LRMDA: variants seen among roughly 807,000 people sequenced by gnomAD.
LRMDA encodes the protein leucine rich melanocyte differentiation associated.
In LRMDA, 18 loss-of-function variants were observed where a neutral mutation model predicts 29.8. The observed-to-expected ratio is 0.60, with a 90% confidence interval of 0.42 to 0.90. LRMDA has a LOEUF of 0.90. LRMDA is among the 40% of genes least tolerant of loss of function. The pLI is 0.00. For missense variants in LRMDA, 273 were observed against 273.9 expected (o/e 1.00, Z 0.02); for synonymous variants, 125 against 109.4 (o/e 1.14, Z -0.89).
chr10:76,010,490 T>C (rs1847759148), intron 2 of LRMDA, among the ~76,000 whole-genome samples: 1 of 152,004 alleles, frequency 6.6e-6, no homozygotes, highest in Non-Finnish European at 1.5e-5. Context: ...TTTTTTGTAT[T>C]TTTAGTAGAG....
intron 6 of LRMDA, among the ~76,000 whole-genome samples, chr10:76,373,886 G>A (rs1841485424): frequency 6.6e-6 from 1 of 152,146 alleles, no homozygotes; most frequent in Non-Finnish European, 1.5e-5. Flanking sequence ...CCTGGCTTTA[G>A]TACTCAGAGT....
intron 2 of LRMDA, among the ~76,000 whole-genome samples, chr10:75,936,541 T>C (rs1485392276): frequency 2.6e-5 from 4 of 152,150 alleles, no homozygotes; most frequent in Non-Finnish European, 5.9e-5. Context: ...ACTGTGTTGG[T>C]CTGTTTGGGC....
intron 2 of LRMDA, among the ~76,000 whole-genome samples, chr10:75,981,636 G>A (rs1042903298): frequency 2.6e-5 from 4 of 152,004 alleles, no homozygotes; most frequent in African/African-American, 4.8e-5. Context: ...GGCAGATCAC[G>A]AGGTCAAGAG....
intron 5 of LRMDA, among the ~76,000 whole-genome samples, chr10:76,145,199 C>T (rs1589348470): frequency 6.6e-6 from 1 of 152,148 alleles, no homozygotes; most frequent in Non-Finnish European, 1.5e-5. Context: ...ATGAGGCTGG[C>T]CTCATAAAAT....
chr10:75,608,056 G>C (rs1205683874), intron 2 of LRMDA, among the ~76,000 whole-genome samples: 1 of 141,220 alleles, frequency 7.1e-6, no homozygotes, highest in Admixed American at 7.6e-5. Flanking sequence ...ACCAAGAGAG[G>C]GAAACAACCT....
chr10:76,192,772 A>G (rs953806647), intron 5 of LRMDA, among the ~76,000 whole-genome samples: 8 of 152,190 alleles, frequency 5.3e-5, no homozygotes, highest in South Asian at 2.1e-4. Flanking sequence ...AACTCTTTGT[A>G]GTCATTCCTG....
intron 2 of LRMDA, among the ~76,000 whole-genome samples, chr10:75,932,926 A>G (rs1846229434): frequency 6.6e-6 from 1 of 152,216 alleles, no homozygotes; most frequent in Non-Finnish European, 1.5e-5. Flanking sequence ...TGTATATGAA[A>G]GGTGTTTTGT....
intron 2 of LRMDA, among the ~76,000 whole-genome samples, chr10:75,724,457 A>C (rs1313888932): frequency 6.6e-6 from 1 of 152,216 alleles, no homozygotes; most frequent in African/African-American, 2.4e-5. Context: ...TTACTCTCTT[A>C]GTTTCAAAAT....
intron 2 of LRMDA, among the ~76,000 whole-genome samples, chr10:75,519,812 T>G (rs1845335148): frequency 6.6e-6 from 1 of 152,262 alleles, no homozygotes; most frequent in Non-Finnish European, 1.5e-5. Flanking sequence ...TTGCAGTGGC[T>G]GGTACCGGTT....
At chr10:75,828,459 GT>G (rs1844283288) in intron 2 of LRMDA, among the ~76,000 whole-genome samples, 1 of 152,136 alleles carries the variant, frequency 6.6e-6, no homozygotes, top group Admixed American at 6.5e-5. Context: ...ATTCCTTAAT[GT>G]TTTTAATGAT....
At chr10:75,859,254 G>T (rs569272980) in intron 2 of LRMDA, among the ~76,000 whole-genome samples, 1 of 152,312 alleles carries the variant, frequency 6.6e-6, no homozygotes, top group South Asian at 2.1e-4. Flanking sequence ...TAATCATAGG[G>T]TTTGCACATT....
At chr10:76,484,865 G>A (rs976198157) in intron 6 of LRMDA, among the ~76,000 whole-genome samples, 1 of 151,460 alleles carries the variant, frequency 6.6e-6, no homozygotes, top group Admixed American at 6.6e-5. Context: ...ACACTTTCTC[G>A]GAGAATTCAC....
chr10:76,284,232 G>A (rs543658217), intron 5 of LRMDA, among the ~76,000 whole-genome samples: 9 of 152,276 alleles, frequency 5.9e-5, no homozygotes, highest in African/African-American at 1.9e-4. Flanking sequence ...AATTGTGGAG[G>A]TTATTCTGCA....
intron 6 of LRMDA, among the ~76,000 whole-genome samples, chr10:76,394,364 G>A (rs1841758531): frequency 6.6e-6 from 1 of 152,164 alleles, no homozygotes; most frequent in Non-Finnish European, 1.5e-5. Flanking sequence ...TCATCTTTCT[G>A]TGAATGACCA....
At chr10:75,912,471 A>G (rs571580559) in intron 2 of LRMDA, among the ~76,000 whole-genome samples, 24 of 152,202 alleles carry the variant, frequency 1.6e-4, no homozygotes, top group Non-Finnish European at 3.4e-4. Context: ...GGGCTTTGTT[A>G]GGAAGTTATG....
chr10:75,463,100 A>G (rs1358554158), intron 2 of LRMDA, among the ~76,000 whole-genome samples: 1 of 152,146 alleles, frequency 6.6e-6, no homozygotes, highest in Non-Finnish European at 1.5e-5. Context: ...GGGTGGAGGA[A>G]TGCTCCTGCA....
At chr10:75,986,320 C>A (rs1305243189) in intron 2 of LRMDA, among the ~76,000 whole-genome samples, 1 of 152,234 alleles carries the variant, frequency 6.6e-6, no homozygotes, top group African/African-American at 2.4e-5. Context: ...GACTAAGTTA[C>A]TCAGGCTGTG....
chr10:75,594,989 T>A (rs1173946855), intron 2 of LRMDA, among the ~76,000 whole-genome samples: 1 of 152,224 alleles, frequency 6.6e-6, no homozygotes, highest in Non-Finnish European at 1.5e-5. Flanking sequence ...TATCTTTCTC[T>A]TATCAATTTT....
chr10:76,022,898 C>T (rs10824354), intron 2 of LRMDA, among the ~76,000 whole-genome samples: 52,220 of 152,006 alleles, frequency 0.34, 10,037 homozygotes, highest in Non-Finnish European at 0.43. Context: ...ATGGACAATG[C>T]TGGGCACCTA....
Sources: gnomAD v4.1 joint callset for allele counts (sites outside exome capture counted in the v4.1 genomes callset) on GRCh38, gnomAD v4.1.1 for gene constraint, MANE v1.5 for transcripts, NCBI Gene and HGNC (gene_info 2026-07-23, HGNC 2026-07-21) for gene names.